The following TBC1D22A variants were observed in gnomAD, a reference collection of about 807,000 sequenced individuals.
The protein encoded by TBC1D22A is putative GTPase activator.
Under a neutral mutation model 60.2 loss-of-function variants are expected in TBC1D22A, and 38 were observed. The ratio of observed to expected loss-of-function variants is 0.63; its 90% CI spans 0.49 to 0.83. TBC1D22A has a LOEUF of 0.83. TBC1D22A is among the 40% of genes least tolerant of loss of function. TBC1D22A has a pLI of 0.00. For synonymous variants in TBC1D22A, 302 were observed against 281.7 expected (o/e 1.07, Z -0.72); for missense variants, 628 against 701.0 (o/e 0.90, Z 1.18).
Position 47,173,398 on chromosome 22 carries a change from C to T in TBC1D22A, c.1426-100C>T, listed in dbSNP as rs1269936616. ...CCCGCCCTGCACCGTGGGTCACCTC[C>T]TCTGACCTGGGCTTGTATCTTTCCC... is the stretch of plus-strand genomic sequence containing the variant. On this transcript the variant is annotated intron_variant, in intron 12 of 12. Transcript: ENST00000337137. 3.3e-6 allele frequency: 5 copies of T among 1,518,738 alleles called. No individual in the cohort carries two copies. The East Asian group carries it at 6.8e-5, about 21-fold the overall frequency. The allele number at this position is 1,518,738 out of a possible 1,614,324, so 94.1% of individuals were successfully genotyped here. A position where few individuals can be genotyped will look rare whatever the true frequency, so the allele number is the denominator to read the frequency against.
At chr22:46,784,902 T>A (rs1025380112) in intron 1 of TBC1D22A, among the ~76,000 whole-genome samples, 6 of 152,246 alleles carry the variant, frequency 3.9e-5, no homozygotes, top group Non-Finnish European at 8.8e-5. Context: ...CTCAGAGTAC[T>A]TACTTGGTTA....
chr22:47,059,369 C>A (rs574429099), intron 11 of TBC1D22A, among the ~76,000 whole-genome samples: 1 of 152,310 alleles, frequency 6.6e-6, no homozygotes, highest in East Asian at 1.9e-4. Context: ...CTGGCAGCGT[C>A]CCCCCGGCCT....
intron 4 of TBC1D22A, among the ~76,000 whole-genome samples, chr22:46,807,519 G>A (rs1294279809): frequency 6.6e-6 from 1 of 152,144 alleles, no homozygotes; most frequent in African/African-American, 2.4e-5. Flanking sequence ...TTTGCTTGAC[G>A]ACACGCTGGC....
intron 8 of TBC1D22A, among the ~76,000 whole-genome samples, chr22:46,938,256 A>AC (rs2071775615): frequency 6.6e-6 from 1 of 152,102 alleles, no homozygotes; most frequent in African/African-American, 2.4e-5. Flanking sequence ...CTGTGTTTAG[A>AC]TATGTTTCGA....
chr22:47,010,869 C>T (rs1006387621), intron 10 of TBC1D22A, among the ~76,000 whole-genome samples: 4 of 152,070 alleles, frequency 2.6e-5, no homozygotes, highest in Non-Finnish European at 4.4e-5. Context: ...TTCATGTAAA[C>T]CCAAAAATAA....
At chr22:47,088,419 A>G (rs1242475546) in intron 11 of TBC1D22A, among the ~76,000 whole-genome samples, 1 of 152,214 alleles carries the variant, frequency 6.6e-6, no homozygotes, top group Non-Finnish European at 1.5e-5. Flanking sequence ...AGGAAAACAA[A>G]GCATCAGAAA....
intron 4 of TBC1D22A, among the ~76,000 whole-genome samples, chr22:46,847,957 G>A (rs111929620): frequency 7.7e-5 from 4 of 51,902 alleles, no homozygotes; most frequent in Admixed American, 3.5e-4. Flanking sequence ...GTGTGTGTGC[G>A]CGCGCGCACG....
intron 8 of TBC1D22A, among the ~76,000 whole-genome samples, chr22:46,968,582 C>T (rs911098177): frequency 1.4e-4 from 21 of 150,402 alleles, no homozygotes; most frequent in East Asian, 2.0e-4. Context: ...GCGTGGCCGG[C>T]GGTCCTGAGT....
intron 8 of TBC1D22A, among the ~76,000 whole-genome samples, chr22:46,948,081 G>A (rs551147095): frequency 2.0e-5 from 3 of 152,272 alleles, no homozygotes; most frequent in South Asian, 2.1e-4. Context: ...TTTGGAGGGC[G>A]GCAAGGACGG....
chr22:46,976,573 G>A lies in TBC1D22A; in HGVS notation c.1125+2174G>A, dbSNP rs761893757. On this transcript the variant is annotated intron_variant, in intron 9 of 12. Transcript: ENST00000337137. ...AAACCACGGCAACACGCAGACCGGCGTGTCAGCTCCCGGACGACCTGGCCG... is the reference window on the plus strand; with the variant it reads ...AAACCACGGCAACACGCAGACCGGCATGTCAGCTCCCGGACGACCTGGCCG... Among the ~76,000 whole-genome samples, 11 of 152,338 alleles carry A rather than the reference G, an allele frequency of 7.2e-5. No individual in the cohort carries two copies. The East Asian group carries it at 7.7e-4, about 11-fold the overall frequency.
intron 8 of TBC1D22A, among the ~76,000 whole-genome samples, chr22:46,950,527 A>C (rs183306048): frequency 2.0e-5 from 3 of 152,050 alleles, no homozygotes; most frequent in African/African-American, 7.2e-5. Context: ...CGATGGCTGG[A>C]TGGAGGCTTT....
At chr22:46,845,658 G>C (rs976890353) in intron 4 of TBC1D22A, among the ~76,000 whole-genome samples, 8 of 152,184 alleles carry the variant, frequency 5.3e-5, no homozygotes, top group African/African-American at 1.9e-4. Flanking sequence ...GTTCATGCAA[G>C]CCAGCTCTTC....
chr22:47,112,398 C>T (rs534853102), intron 12 of TBC1D22A, among the ~76,000 whole-genome samples: 6 of 152,318 alleles, frequency 3.9e-5, no homozygotes, highest in Admixed American at 2.6e-4. Context: ...CACACTTCAC[C>T]GCTCTCCCTT....
chr22:46,853,333 G>A (rs1413261259), intron 4 of TBC1D22A, among the ~76,000 whole-genome samples: 4 of 152,208 alleles, frequency 2.6e-5, no homozygotes, highest in Non-Finnish European at 5.9e-5. Flanking sequence ...GAAAGCAGGC[G>A]AGAGGCATGA....
intron 4 of TBC1D22A, among the ~76,000 whole-genome samples, chr22:46,845,484 G>A (rs2086949957): frequency 6.6e-6 from 1 of 152,146 alleles, no homozygotes; most frequent in Non-Finnish European, 1.5e-5. Flanking sequence ...TTTCCTTTCG[G>A]TTTTGAGGTA....
chr22:46,974,562 G>C (rs1179086643), intron 9 of TBC1D22A, among the ~76,000 whole-genome samples, 163 bp downstream of exon 9: 3 of 152,214 alleles, frequency 2.0e-5, no homozygotes, highest in African/African-American at 7.2e-5. Flanking sequence ...GGGTTGACGA[G>C]GGGTGAGACA....
chr22:47,111,713 C>A, intron 12 of TBC1D22A, 110 bp downstream of exon 12: 1 of 1,002,318 alleles, frequency 1.0e-6, no homozygotes, highest in Non-Finnish European at 1.5e-6. Flanking sequence ...AGAAGCGCTG[C>A]CTGCATTTCG....
chr22:46,806,341 A>ATTTTTTT (rs34490073), intron 4 of TBC1D22A, among the ~76,000 whole-genome samples: 2 of 132,598 alleles, frequency 1.5e-5, no homozygotes, highest in African/African-American at 5.6e-5. Flanking sequence ...CTCTGTTCTG[A>ATTTTTTT]TTTTTTTTTT....
chr22:46,947,733 G>C (rs911327187), intron 8 of TBC1D22A, among the ~76,000 whole-genome samples: 1 of 22,726 alleles, frequency 4.4e-5, no homozygotes, highest in Non-Finnish European at 8.2e-5. Flanking sequence ...TCACGCTGTT[G>C]CCAGGAGTGG....
Sources: allele counts gnomAD v4.1 joint callset (sites outside exome capture counted in the v4.1 genomes callset), GRCh38; gene constraint gnomAD v4.1.1; transcripts MANE v1.5; gene names NCBI Gene and HGNC (gene_info 2026-07-23, HGNC 2026-07-21).